RAI1: variants seen among roughly 807,000 people sequenced by gnomAD.
RAI1 encodes the protein retinoic acid induced 1, also known as retinoic acid-induced protein 1.
A neutral mutation model predicts 123.8 loss-of-function variants in RAI1; 9 were observed. That is an observed-to-expected ratio of 0.07 (90% CI 0.04 to 0.13). The LOEUF (loss-of-function observed/expected upper bound fraction) is 0.13, where lower values mean the gene tolerates loss of function less well. Among genes scored for constraint, RAI1 ranks in the 10% least tolerant of loss-of-function variants. The pLI, the probability that RAI1 is intolerant of heterozygous loss-of-function variation, is 1.00. For missense variants in RAI1, 2,256 were observed against 2,545.8 expected, an observed-to-expected ratio of 0.89 and a Z score of 2.45; for synonymous variants, 1,231 against 1,127.3, an observed-to-expected ratio of 1.09 and a Z score of -1.84.
At chr17:17,768,891 T>C (rs1881469694) in intron 2 of RAI1, among the ~76,000 whole-genome samples, 1 of 152,048 alleles carries the variant, frequency 6.6e-6, no homozygotes, top group Non-Finnish European at 1.5e-5. Flanking sequence ...CACCCTTTCA[T>C]GAGGGGGAGA....
Position 17,809,821 on chromosome 17 carries a change from G to C in RAI1, c.5710-149G>C, listed in dbSNP as rs1396531831. On this transcript the variant is annotated intron_variant, in intron 5 of 5. Transcript: ENST00000353383. This position sits in a 1 kb window ranked among gnomAD's most constrained non-coding sequence, Gnocchi z 4.9. ...GCTGGACGGGGTGGGGCCAGAAGGG[G>C]TGGTGCCGACGGCCTCGGGCGGAGA... The C allele has an allele frequency of 8.7e-6, 9 of 1,033,800 alleles. No homozygotes were observed. The highest frequency in any genetic ancestry group is 1.2e-5 in the Non-Finnish European group (8 of 694,518). 64.0% of individuals were successfully genotyped at this position (1,033,800 alleles called of 1,614,324 possible).
At chr17:17,769,435 G>T (rs1027810678) in intron 2 of RAI1, among the ~76,000 whole-genome samples, 2 of 152,264 alleles carry the variant, frequency 1.3e-5, no homozygotes, top group Admixed American at 6.5e-5. Context: ...AGGCACGGGG[G>T]CTCAAGAGGT....
chr17:17,763,160 C>T (rs1042885816), intron 2 of RAI1, among the ~76,000 whole-genome samples: 17 of 152,174 alleles, frequency 1.1e-4, no homozygotes, highest in Non-Finnish European at 2.2e-4. Flanking sequence ...CCCCGCTTTC[C>T]TGGGGTGGGA....
intron 4 of RAI1, among the ~76,000 whole-genome samples, chr17:17,808,543 G>T (rs979235416): frequency 2.6e-5 from 4 of 151,814 alleles, no homozygotes; most frequent in Admixed American, 6.6e-5. Flanking sequence ...CGCCTCCCAG[G>T]CTCAAGTGAT....
chr17:17,710,841 G>A (rs546616950), intron 1 of RAI1, among the ~76,000 whole-genome samples: 4 of 152,344 alleles, frequency 2.6e-5, no homozygotes, highest in African/African-American at 9.6e-5. Flanking sequence ...AGAGAGGGCC[G>A]TCTTCTTGCC....
chr17:17,802,608 C>G (rs1439374481), intron 3 of RAI1, among the ~76,000 whole-genome samples: 2 of 152,078 alleles, frequency 1.3e-5, no homozygotes, highest in Non-Finnish European at 2.9e-5. Flanking sequence ...AACCCCGTCT[C>G]TACTAAAAAT....
intron 1 of RAI1, among the ~76,000 whole-genome samples, chr17:17,713,853 T>A (rs985187347): frequency 7.9e-5 from 12 of 152,314 alleles, no homozygotes; most frequent in African/African-American, 2.9e-4. Flanking sequence ...AGCCTCTCTC[T>A]CCAGCTCTTG....
rs58147049 is a variant in RAI1, at chr17:17,800,180, G to GTCTC, written c.5565+1712_5565+1715dup. ...TCTCTCCTGCTTTCTGTCTCTCTCT[G>GTCTC]TCTCTCTCTCTCTCTCTCTCTCTCT... On this transcript the variant is annotated intron_variant, in intron 3 of 5. Transcript: ENST00000353383. The surrounding 1 kb of genome is among the most constrained non-coding windows in gnomAD (Gnocchi z 4.7). Among the ~76,000 whole-genome samples, 99 of 116,180 alleles carry GTCTC rather than the reference G, an allele frequency of 8.5e-4. 1 individual carries two copies. The highest frequency in any genetic ancestry group is 5.0e-3 in the Middle Eastern group (1 of 202). The allele number at this position is 116,180 out of a possible 152,430, so 76.2% of individuals were successfully genotyped here.
chr17:17,732,118 C>T (rs1264138347), intron 2 of RAI1, among the ~76,000 whole-genome samples: 1 of 151,958 alleles, frequency 6.6e-6, no homozygotes, highest in Non-Finnish European at 1.5e-5. Context: ...CCCTCCTTGC[C>T]AATGAAAGGT....
Position 17,796,833 on chromosome 17 carries a change from G to T in RAI1, c.3885G>T (p.Pro1295=), listed in dbSNP as rs146259338. 135 of 1,611,376 alleles carry T rather than the reference G, an allele frequency of 8.4e-5. 2 individuals are homozygous for T. In the East Asian group the frequency reaches 2.5e-3, roughly 30 times the overall value. ...AGCCTGCCACAAAGCTCCCACCCCC[G>T]GAGACCCCCGATGCCTGCCTCAAGC... is the stretch of plus-strand genomic sequence containing the variant. ...NGEPATKLPP[P]ETPDACLKLA... Residue 1295 remains proline, a synonymous_variant, in exon 3 of 6, where the codon CCG becomes CCT. Coordinates refer to ENST00000353383, the MANE Select transcript of RAI1 (RefSeq NM_030665.4). The surrounding 1 kb of genome is among the most constrained non-coding windows in gnomAD (Gnocchi z 5.8).
Position 17,694,118 on chromosome 17 carries a change from G to A in RAI1, c.-149+12325G>A, listed in dbSNP as rs376136261. On this transcript the variant is annotated intron_variant, in intron 1 of 5. Transcript: ENST00000353383. Reference sequence around the variant, plus strand: ...AATCAAAGGGATTCAGGGTCTCCTGGGAGCTGCTAGCCTTGCCGGGTCTCC... The same window carrying A: ...AATCAAAGGGATTCAGGGTCTCCTGAGAGCTGCTAGCCTTGCCGGGTCTCC... Among the ~76,000 whole-genome samples the A allele has an allele frequency of 2.4e-4, 37 of 152,316 alleles. No homozygotes were observed. In the East Asian group the frequency reaches 5.0e-3, roughly 21 times the overall value.
chr17:17,802,143 C>T, intron 3 of RAI1: 1 of 470,996 alleles, frequency 2.1e-6, no homozygotes, highest in South Asian at 1.5e-5. Flanking sequence ...CCTGTCCTGG[C>T]CACGTCCACT....
intron 2 of RAI1, among the ~76,000 whole-genome samples, chr17:17,738,933 C>G (rs560236915): frequency 6.6e-6 from 1 of 152,166 alleles, no homozygotes; most frequent in Non-Finnish European, 1.5e-5. Flanking sequence ...CAGCCCAGCA[C>G]GCTGCCCGTA....
At chr17:17,734,082 G>T (rs1041779407) in intron 2 of RAI1, among the ~76,000 whole-genome samples, 1 of 151,860 alleles carries the variant, frequency 6.6e-6, no homozygotes. Flanking sequence ...ATCCAGGACA[G>T]GGGGAGAGAT....
At chr17:17,697,383 A>G (rs1390647177) in intron 1 of RAI1, among the ~76,000 whole-genome samples, 1 of 152,262 alleles carries the variant, frequency 6.6e-6, no homozygotes, top group Non-Finnish European at 1.5e-5. Flanking sequence ...ACCACCTGCC[A>G]TCACCGCTGT....
chr17:17,752,081 C>A (rs1374026089), intron 2 of RAI1, among the ~76,000 whole-genome samples: 2 of 152,218 alleles, frequency 1.3e-5, no homozygotes, highest in African/African-American at 4.8e-5. Flanking sequence ...AACGTGACCC[C>A]ATTTCACAGA....
At position 17,794,259 on chromosome 17, in the gene RAI1, G is replaced by C; in HGVS notation, c.1311G>C (p.Ala437=). The change falls in exon 3 of 6, where the codon GCG becomes GCC. Residue 437 remains alanine (A), a synonymous_variant. Coordinates refer to ENST00000353383, the MANE Select transcript of RAI1 (RefSeq NM_030665.4). ...ATCTCAGCCTGCAGAGCCTCACGGC[G>C]CTGACCTCACAGGTGGAGAACATCT... ...LSDLSLQSLT[A]LTSQVENISN... The C allele has an allele frequency of 1.2e-6, 2 of 1,613,276 alleles. No homozygotes were observed. Among genetic ancestry groups the C allele is most frequent in the East Asian group, 2.2e-5 (1 of 44,870 alleles).
intron 2 of RAI1, among the ~76,000 whole-genome samples, chr17:17,749,836 T>C (rs1598052311): frequency 6.6e-6 from 1 of 152,238 alleles, no homozygotes. Context: ...GCACCCAGCA[T>C]AGGGCATGTA....
At position 17,717,317 on chromosome 17, in the gene RAI1, T is replaced by C. The variant is rs145358664; in HGVS notation, c.-148-6711T>C. On this transcript the variant is annotated intron_variant, in intron 1 of 5. Coordinates refer to ENST00000353383, the MANE Select transcript of RAI1 (RefSeq NM_030665.4). ...AGAAGAAAGCGCCTGTGAGTCCTGCTACCAAGCAGGCCTGGGCCCAGCTGT... is the reference window on the plus strand; with the variant it reads ...AGAAGAAAGCGCCTGTGAGTCCTGCCACCAAGCAGGCCTGGGCCCAGCTGT... Among the ~76,000 whole-genome samples the C allele has an allele frequency of 1.9e-3, 289 of 152,236 alleles. 2 individuals carry two copies. Among genetic ancestry groups the C allele is most frequent in the African/African-American group, 6.7e-3 (279 of 41,542 alleles).
Sources: allele counts gnomAD v4.1 joint callset (sites outside exome capture counted in the v4.1 genomes callset), GRCh38; gene constraint gnomAD v4.1.1; non-coding constraint Gnocchi (gnomAD v3.1); transcripts MANE v1.5; gene names NCBI Gene and HGNC (gene_info 2026-07-23, HGNC 2026-07-21).